Variants in GRIK3 observed in about 807,000 individuals in gnomAD.
The protein encoded by GRIK3 is glutamate ionotropic receptor kainate type subunit 3.
In GRIK3, 29 loss-of-function variants were observed where a neutral mutation model predicts 102.5. The observed-to-expected ratio is 0.28, with a 90% CI of 0.21 to 0.39. The LOEUF (loss-of-function observed/expected upper bound fraction) is 0.39. Among genes scored for constraint, GRIK3 ranks in the 10% least tolerant of loss-of-function variants. The pLI is 1.00. For synonymous variants in GRIK3, 511 were observed against 504.9 expected (o/e 1.01, Z -0.16); for missense variants, 908 against 1,252.4 (o/e 0.73, Z 4.15).
At chr1:36,976,860 C>G (rs534170122) in intron 1 of GRIK3, among the ~76,000 whole-genome samples, 56 of 152,242 alleles carry the variant, frequency 3.7e-4, no homozygotes, top group African/African-American at 1.3e-3. Flanking sequence ...CCCAGTCACC[C>G]ACACTTCTGA....
chr1:36,886,682 T>G (rs1315962266), intron 2 of GRIK3, among the ~76,000 whole-genome samples: 2 of 152,204 alleles, frequency 1.3e-5, no homozygotes, highest in African/African-American at 4.8e-5. Flanking sequence ...GTAAAGTGCA[T>G]TAATGTTAAG....
chr1:36,823,472 CAAAAAAAAAA>C (rs71053954), intron 11 of GRIK3, among the ~76,000 whole-genome samples: 2 of 38,098 alleles, frequency 5.2e-5, no homozygotes, highest in African/African-American at 8.5e-5. Context: ...GACTCCGTCT[CAAAAAAAAAA>C]AAAAAAAAAA....
At chr1:36,905,584 C>T (rs966748336) in intron 1 of GRIK3, among the ~76,000 whole-genome samples, 1 of 151,676 alleles carries the variant, frequency 6.6e-6, no homozygotes, top group Non-Finnish European at 1.5e-5. Context: ...CCCAATGCTA[C>T]AAAATAATAT....
At chr1:36,973,809 G>A (rs1053191983) in intron 1 of GRIK3, among the ~76,000 whole-genome samples, 11 of 152,090 alleles carry the variant, frequency 7.2e-5, no homozygotes, top group Admixed American at 2.6e-4. Flanking sequence ...CGTAGGAGAC[G>A]TTTATGATGC....
intron 11 of GRIK3, among the ~76,000 whole-genome samples, chr1:36,824,444 C>A (rs578035975): frequency 2.1e-4 from 32 of 152,294 alleles, no homozygotes; most frequent in African/African-American, 7.7e-4. Context: ...AGCTTCAGGC[C>A]TCTGGCAGCA....
chr1:36,946,309 C>T (rs1399849830), intron 1 of GRIK3, among the ~76,000 whole-genome samples: 4 of 152,354 alleles, frequency 2.6e-5, no homozygotes, highest in East Asian at 3.9e-4. Context: ...TCGTGCAGTG[C>T]AGACTGGGGT....
At chr1:36,910,044 C>A (rs1458308909) in intron 1 of GRIK3, among the ~76,000 whole-genome samples, 22 of 152,168 alleles carry the variant, frequency 1.4e-4, no homozygotes, top group Admixed American at 1.4e-3. Context: ...GACCTCATGA[C>A]TGTTTAGGTG....
intron 1 of GRIK3, among the ~76,000 whole-genome samples, chr1:36,941,888 G>A (rs529217006): frequency 1.3e-5 from 2 of 152,296 alleles, no homozygotes; most frequent in South Asian, 2.1e-4. Context: ...GCGAGTTCAA[G>A]CTCAGAATCC....
chr1:37,014,552 C>A, intron 1 of GRIK3, among the ~76,000 whole-genome samples: 1 of 152,224 alleles, frequency 6.6e-6, no homozygotes, highest in Non-Finnish European at 1.5e-5. Context: ...TCCAGGAAAA[C>A]TCCACCAGGT....
intron 10 of GRIK3, among the ~76,000 whole-genome samples, chr1:36,831,466 T>A (rs1354756785): frequency 6.6e-6 from 1 of 152,200 alleles, no homozygotes; most frequent in Non-Finnish European, 1.5e-5. Flanking sequence ...GTATGTGGCA[T>A]CACAGAATTC....
At chr1:36,986,345 A>G (rs2124370919) in intron 1 of GRIK3, among the ~76,000 whole-genome samples, 1 of 151,866 alleles carries the variant, frequency 6.6e-6, no homozygotes, top group South Asian at 2.1e-4. Flanking sequence ...CCGCCCATCC[A>G]TCCATCCATC....
At chr1:36,992,574 C>A (rs972304231) in intron 1 of GRIK3, among the ~76,000 whole-genome samples, 5 of 152,156 alleles carry the variant, frequency 3.3e-5, no homozygotes, top group African/African-American at 9.7e-5. Context: ...AAGAGGGATG[C>A]ATGGCTAAGA....
chr1:36,939,937 T>G (rs1641701249), intron 1 of GRIK3, among the ~76,000 whole-genome samples: 1 of 152,030 alleles, frequency 6.6e-6, no homozygotes, highest in African/African-American at 2.4e-5. Flanking sequence ...GCAAATGAGG[T>G]CCCTCGGTGA....
intron 13 of GRIK3, among the ~76,000 whole-genome samples, chr1:36,811,611 A>C (rs185004847): frequency 3.5e-4 from 54 of 152,318 alleles, no homozygotes; most frequent in African/African-American, 1.2e-3. Flanking sequence ...CAATGGCTCC[A>C]TAAGGTGGGT....
chr1:36,841,920 A>C lies in GRIK3; in HGVS notation c.1346T>G (p.Phe449Cys). Residue 449 changes from phenylalanine to cysteine, a missense_variant, in exon 10 of 16, where the codon TTT (phenylalanine) becomes TGT (cysteine). By Grantham distance (205) the Phe-to-Cys change is radical. Coordinates refer to ENST00000373091, the MANE Select transcript of GRIK3 (RefSeq NM_000831.4). ...GTATAGCGTCCTGTCTGATTTCCGAAACATGACGAAGGGCTCCTCCTGCAG... is the reference window on the plus strand; with the variant it reads ...GTATAGCGTCCTGTCTGATTTCCGACACATGACGAAGGGCTCCTCCTGCAG... ...TTVLEEPFVM[F>C]RKSDRTLYGN... The C allele has an allele frequency of 6.2e-7, 1 of 1,614,124 alleles. No homozygotes were observed. The highest frequency in any genetic ancestry group is 8.5e-7 in the Non-Finnish European group (1 of 1,179,996).
chr1:36,804,492 G>A (rs1008784449), intron 15 of GRIK3: 2 of 163,954 alleles, frequency 1.2e-5, no homozygotes, highest in African/African-American at 4.8e-5. Context: ...TAGTTCTACT[G>A]TCTATATGCT....
At chr1:36,981,795 G>A (rs892381354) in intron 1 of GRIK3, among the ~76,000 whole-genome samples, 2 of 152,206 alleles carry the variant, frequency 1.3e-5, no homozygotes, top group East Asian at 1.9e-4. Flanking sequence ...AGCACCTACT[G>A]TGTACCAGGC....
intron 1 of GRIK3, among the ~76,000 whole-genome samples, chr1:36,907,013 T>C (rs1641290877): frequency 6.6e-6 from 1 of 152,216 alleles, no homozygotes; most frequent in Admixed American, 6.5e-5. Flanking sequence ...CTTTATCATA[T>C]GTACCCCAAA....
intron 1 of GRIK3, among the ~76,000 whole-genome samples, chr1:36,901,195 C>G (rs1192253239): frequency 6.6e-6 from 1 of 152,152 alleles, no homozygotes; most frequent in Admixed American, 6.6e-5. Context: ...AAGGCCAGCA[C>G]TACTCTAATA....
Sources: gnomAD v4.1 joint callset for allele counts (sites outside exome capture counted in the v4.1 genomes callset) on GRCh38, gnomAD v4.1.1 for gene constraint, MANE v1.5 for transcripts, NCBI Gene and HGNC (gene_info 2026-07-23, HGNC 2026-07-21) for gene names.